CCSER1: variants seen among roughly 807,000 people sequenced by gnomAD.
The protein encoded by CCSER1 is coiled-coil serine rich protein 1.
Under a neutral mutation model 82.0 loss-of-function variants are expected in CCSER1, and 41 were observed. The observed-to-expected ratio is 0.50, with a 90% CI of 0.39 to 0.65. CCSER1 has a LOEUF of 0.65. Ranked by LOEUF, CCSER1 falls within the 30% of genes least tolerant of loss-of-function variation. The pLI, the probability that CCSER1 is intolerant of heterozygous loss-of-function variation, is 0.00. For synonymous variants in CCSER1, 414 were observed against 383.9 expected, an observed-to-expected ratio of 1.08 and a Z score of -0.92; for missense variants, 1,119 against 1,064.2, an observed-to-expected ratio of 1.05 and a Z score of -0.72.
rs142630623 is a variant in CCSER1, at chr4:90,448,974, A to G, written c.1604-19260A>G. 3.9e-3 allele frequency among the ~76,000 whole-genome samples: 600 copies of G among 152,276 alleles called. 2 individuals carry two copies. Among genetic ancestry groups the G allele is most frequent in the African/African-American group, 0.013 (548 of 41,566 alleles). ...GGTGGACAAGGCAAAGAGGTGCTTT[A>G]TTGAGCTACATTACACCTCTCAGGA... On this transcript the variant is annotated intron_variant, in intron 4 of 10. Transcript: ENST00000509176.
At chr4:91,373,502 C>T (rs541249809) in intron 10 of CCSER1, among the ~76,000 whole-genome samples, 1 of 152,246 alleles carries the variant, frequency 6.6e-6, no homozygotes, top group South Asian at 2.1e-4. Context: ...TGTTTTGGGA[C>T]ACTGTCAAAT....
intron 10 of CCSER1, among the ~76,000 whole-genome samples, chr4:91,144,947 G>T (rs1729403959): frequency 6.6e-6 from 1 of 152,006 alleles, no homozygotes; most frequent in South Asian, 2.1e-4. Flanking sequence ...ATTTTAGGTG[G>T]AATACTCTGT....
intron 5 of CCSER1, among the ~76,000 whole-genome samples, chr4:90,567,377 G>T (rs577707367): frequency 1.3e-5 from 2 of 149,536 alleles, no homozygotes; most frequent in Non-Finnish European, 3.0e-5. Flanking sequence ...TGCAACCTCC[G>T]CCTTCCAGGT....
chr4:91,336,526 C>G (rs1263074642), intron 10 of CCSER1, among the ~76,000 whole-genome samples: 2 of 151,982 alleles, frequency 1.3e-5, no homozygotes, highest in South Asian at 4.1e-4. Context: ...AATGTTCCTT[C>G]TATACAGTGA....
chr4:91,572,351 G>A (rs1302244211), intron 10 of CCSER1, among the ~76,000 whole-genome samples: 1 of 152,030 alleles, frequency 6.6e-6, no homozygotes, highest in Non-Finnish European at 1.5e-5. Flanking sequence ...GACACCTGTA[G>A]GAGGTGGCTG....
At chr4:90,142,885 G>A (rs1437735694) in intron 1 of CCSER1, among the ~76,000 whole-genome samples, 1 of 151,994 alleles carries the variant, frequency 6.6e-6, no homozygotes, top group Non-Finnish European at 1.5e-5. Flanking sequence ...TTCTGCTACA[G>A]TTCTATTTTT....
rs377147993 is a variant in CCSER1 at position 90,308,505 on chromosome 4, A to G, written c.221A>G (p.Lys74Arg). 6.2e-7 allele frequency: 1 copy of G among 1,613,910 alleles called. No homozygotes were observed. Among genetic ancestry groups the G allele is most frequent in the Admixed American group, 1.7e-5 (1 of 59,994 alleles). ...CCTTCCATTAGCTTCCACCATAAGA[A>G]GGGGAGTGAGCCTAAGCAAGAGCCT... is the stretch of plus-strand genomic sequence containing the variant. ...RTPSISFHHK[K>R]GSEPKQEPTN... Residue 74 changes from lysine (K) to arginine (R), a missense_variant, in exon 2 of 11, where the codon AAG becomes AGG. Physicochemically the swap from Lys to Arg is conservative, Grantham distance 26. Coordinates refer to ENST00000509176, the MANE Select transcript of CCSER1 (RefSeq NM_001145065.2).
At chr4:90,322,177 G>A (rs888016845) in intron 3 of CCSER1, among the ~76,000 whole-genome samples, 15 of 152,104 alleles carry the variant, frequency 9.9e-5, no homozygotes, top group African/African-American at 3.6e-4. Context: ...AGATAGGCGT[G>A]TAGGTTCATT....
chr4:91,205,482 C>T (rs79100147), intron 10 of CCSER1, among the ~76,000 whole-genome samples: 7 of 151,866 alleles, frequency 4.6e-5, no homozygotes, highest in African/African-American at 1.4e-4. Flanking sequence ...TTTAAAACAG[C>T]TAGTGACAAG....
intron 5 of CCSER1, among the ~76,000 whole-genome samples, chr4:90,540,327 A>G (rs562381551): frequency 1.3e-5 from 2 of 152,220 alleles, no homozygotes; most frequent in East Asian, 3.9e-4. Flanking sequence ...TAAAAACACC[A>G]TAGATAAATT....
chr4:90,954,958 T>G (rs1402944291), intron 9 of CCSER1, among the ~76,000 whole-genome samples: 1 of 152,188 alleles, frequency 6.6e-6, no homozygotes. Flanking sequence ...GGAACTATCT[T>G]CCACCAGATA....
chr4:90,555,430 C>T (rs1004542614), intron 5 of CCSER1, among the ~76,000 whole-genome samples: 10 of 151,946 alleles, frequency 6.6e-5, no homozygotes, highest in East Asian at 5.8e-4. Flanking sequence ...TAAAAAGATC[C>T]GCTTTCTTCA....
chr4:90,864,928 G>T (rs1765555016), intron 8 of CCSER1, among the ~76,000 whole-genome samples: 1 of 151,960 alleles, frequency 6.6e-6, no homozygotes, highest in Non-Finnish European at 1.5e-5. Flanking sequence ...ATGACTGCTG[G>T]TAGGTGTTCT....
intron 5 of CCSER1, among the ~76,000 whole-genome samples, chr4:90,547,532 G>A (rs549784422): frequency 6.6e-6 from 1 of 151,426 alleles, no homozygotes; most frequent in South Asian, 2.1e-4. Context: ...TTATGGACTA[G>A]GTAAACTTAA....
At chr4:91,149,385 G>A (rs2148948392) in intron 10 of CCSER1, among the ~76,000 whole-genome samples, 1 of 152,304 alleles carries the variant, frequency 6.6e-6, no homozygotes, top group Non-Finnish European at 1.5e-5. Context: ...TTAGCCCTTT[G>A]TCAGATGGGT....
intron 9 of CCSER1, among the ~76,000 whole-genome samples, chr4:90,932,992 GAAAGAAAGAAAGAA>G (rs1730272428): frequency 4.5e-5 from 2 of 44,312 alleles, no homozygotes; most frequent in Admixed American, 2.5e-4. Context: ...GAGAAAGAAA[GAAAGAAAGAAAGAA>G]AGAAAGAAAG....
At chr4:91,568,402 G>C (rs1362053129) in intron 10 of CCSER1, among the ~76,000 whole-genome samples, 1 of 150,712 alleles carries the variant, frequency 6.6e-6, no homozygotes, top group Non-Finnish European at 1.5e-5. Context: ...TCTCTAACAA[G>C]GTTTGGATAT....
chr4:90,645,320 G>T (rs538694053), intron 6 of CCSER1, among the ~76,000 whole-genome samples: 2 of 152,068 alleles, frequency 1.3e-5, no homozygotes, highest in Admixed American at 1.3e-4. Flanking sequence ...AAAAATGTTC[G>T]ATGAAACAGA....
At chr4:91,536,899 G>C (rs1025725544) in intron 10 of CCSER1, among the ~76,000 whole-genome samples, 1 of 151,944 alleles carries the variant, frequency 6.6e-6, no homozygotes, top group Non-Finnish European at 1.5e-5. Context: ...AAGATTTCAG[G>C]ATTTTGTCCT....
Sources: allele counts gnomAD v4.1 joint callset (sites outside exome capture counted in the v4.1 genomes callset), GRCh38; gene constraint gnomAD v4.1.1; transcripts MANE v1.5; gene names NCBI Gene and HGNC (gene_info 2026-07-23, HGNC 2026-07-21).